Variants in DSCAML1 observed in about 807,000 individuals in gnomAD.
DSCAML1 encodes DS cell adhesion molecule like 1, also known as cell adhesion molecule DSCAML1.
Under a neutral mutation model 200.5 loss-of-function variants are expected in DSCAML1, and 38 were observed. That is an observed-to-expected ratio of 0.19 (90% CI 0.15 to 0.25). DSCAML1 has a LOEUF of 0.25. Ranked by LOEUF, DSCAML1 falls within the 10% of genes least tolerant of loss-of-function variation. DSCAML1 has a pLI of 1.00. For synonymous variants in DSCAML1, 1,215 were observed against 1,165.0 expected, an observed-to-expected ratio of 1.04 and a Z score of -0.87; for missense variants, 2,223 against 2,858.8, an observed-to-expected ratio of 0.78 and a Z score of 5.07.
rs978862033 is a variant in DSCAML1, at chr11:117,780,785, G to A, written c.72C>T (p.Ser24=). Residue 24 remains serine, a synonymous_variant, in exon 2 of 33, where the codon AGC becomes AGT. Transcript: ENST00000651296. This position sits in a 1 kb window ranked among gnomAD's most constrained non-coding sequence, Gnocchi z 4.8. ...HKARPEDVGT[S]LYFVNDSLQQ... is the part of the protein sequence containing the mutation. Reference sequence around the variant, plus strand: ...GCAAGGAGTCATTTACAAAGTAGAGGCTGGTGCCAACATCTTCAGGGCGGG... The same window carrying A: ...GCAAGGAGTCATTTACAAAGTAGAGACTGGTGCCAACATCTTCAGGGCGGG... 4.1e-6 allele frequency: 6 copies of A among 1,479,816 alleles called. No individual in the cohort carries two copies. In the African/African-American group the frequency reaches 8.5e-5, roughly 21 times the overall value. 91.7% of individuals were successfully genotyped at this position (1,479,816 alleles called of 1,614,324 possible). A position where few individuals can be genotyped will look rare whatever the true frequency, so the allele number is the denominator to read the frequency against.
rs759108638 is a variant in DSCAML1 at position 117,505,613 on chromosome 11, G to T, written c.1903C>A (p.Gln635Lys). 6.2e-6 allele frequency: 10 copies of T among 1,614,042 alleles called. No homozygotes were observed. The South Asian group carries it at 1.1e-4, about 18-fold the overall frequency. Residue 635 changes from glutamine (Q) to lysine (K), a missense_variant, in exon 9 of 33, where the codon CAG (glutamine) becomes AAG (lysine). Gln to Lys is a moderately conservative substitution (Grantham distance 53). Around this residue, in one of 7 missense-constraint regions of DSCAML1, gnomAD observed 212 missense variants for 368.0 expected, o/e 0.58. Transcript: ENST00000651296. The surrounding 1 kb of genome is among the most constrained non-coding windows in gnomAD (Gnocchi z 6.7). ...PIRITWRKDGQVIISGSGVTI... is the reference protein window; with the variant it reads ...PIRITWRKDGKVIISGSGVTI... ...ACGCCCGAGCCTGAGATGATCACCT[G>T]TCCGTCCTTCCTCCAGGTGATACGG...
intron 8 of DSCAML1, among the ~76,000 whole-genome samples, chr11:117,510,063 G>T (rs550517981): frequency 5.9e-5 from 9 of 152,364 alleles, no homozygotes; most frequent in African/African-American, 1.2e-4. Flanking sequence ...AGTGGTCGAG[G>T]CAGGCCATTC....
intron 3 of DSCAML1, among the ~76,000 whole-genome samples, chr11:117,686,418 TG>T (rs1751518782): frequency 6.6e-6 from 1 of 152,358 alleles, no homozygotes; most frequent in African/African-American, 2.4e-5. Flanking sequence ...AAGCAGGCAC[TG>T]GGCCTGATCC....
At chr11:117,514,130 C>A (rs2049706432) in intron 8 of DSCAML1, among the ~76,000 whole-genome samples, 1 of 152,230 alleles carries the variant, frequency 6.6e-6, no homozygotes, top group South Asian at 2.1e-4. Context: ...GTCCCCAGGG[C>A]CTTCCCCCCA....
chr11:117,714,814 C>A (rs2053919048), intron 3 of DSCAML1, among the ~76,000 whole-genome samples: 1 of 101,710 alleles, frequency 9.8e-6, no homozygotes, highest in Admixed American at 1.4e-4. Context: ...AAGAGTGAAA[C>A]TTCATCTTGA....
At chr11:117,520,608 C>A (rs76779950) in intron 6 of DSCAML1, among the ~76,000 whole-genome samples, 2,554 of 151,044 alleles carry the variant, frequency 0.017, 67 homozygotes, top group African/African-American at 0.056. Flanking sequence ...TCCTCAACAG[C>A]AAAATGGGTA....
intron 3 of DSCAML1, among the ~76,000 whole-genome samples, chr11:117,569,333 C>T (rs2050808656): frequency 1.3e-5 from 2 of 152,220 alleles, no homozygotes; most frequent in African/African-American, 4.8e-5. Flanking sequence ...GTCTAAAACA[C>T]CGAAAGCAAT....
At chr11:117,435,210 A>G (rs1592567765) in intron 27 of DSCAML1, among the ~76,000 whole-genome samples, 1 of 152,352 alleles carries the variant, frequency 6.6e-6, no homozygotes, top group Non-Finnish European at 1.5e-5. Flanking sequence ...ATGGTGCAGA[A>G]ACTGCCCAGT....
chr11:117,724,796 C>T (rs11216517), intron 3 of DSCAML1, among the ~76,000 whole-genome samples: 22,559 of 152,234 alleles, frequency 0.15, 2,145 homozygotes, highest in East Asian at 0.29. Context: ...CCACACCCCC[C>T]TGACACTCTC....
intron 3 of DSCAML1, among the ~76,000 whole-genome samples, chr11:117,545,839 T>C (rs1053958009): frequency 5.9e-5 from 9 of 152,182 alleles, no homozygotes; most frequent in African/African-American, 2.2e-4. Context: ...TCATCCCCCG[T>C]GGAGGAAACC....
At chr11:117,568,974 A>T (rs1203117684) in intron 3 of DSCAML1, among the ~76,000 whole-genome samples, 1 of 152,232 alleles carries the variant, frequency 6.6e-6, no homozygotes, top group East Asian at 1.9e-4. Context: ...AAACTATACT[A>T]CAAGGCTACA....
chr11:117,594,806 G>A (rs888132358), intron 3 of DSCAML1, among the ~76,000 whole-genome samples: 1 of 152,134 alleles, frequency 6.6e-6, no homozygotes, highest in Non-Finnish European at 1.5e-5. Context: ...AGGCCAGGGA[G>A]GGATGAAAGA....
At chr11:117,453,352 G>A (rs4936380) in intron 19 of DSCAML1, among the ~76,000 whole-genome samples, 9,611 of 152,170 alleles carry the variant, frequency 0.063, 437 homozygotes, top group Admixed American at 0.15. Context: ...GCCTTTACTC[G>A]TTGCATCATT....
upstream of DSCAML1, among the ~76,000 whole-genome samples, chr11:117,798,031 C>T (rs2055615639): frequency 6.6e-6 from 1 of 152,234 alleles, no homozygotes; most frequent in Admixed American, 6.5e-5. Flanking sequence ...GGCTCAGGCA[C>T]TGGGGACTCA....
intron 1 of DSCAML1, among the ~76,000 whole-genome samples, chr11:117,811,562 T>C (rs1466056274): frequency 6.6e-6 from 1 of 152,204 alleles, no homozygotes; most frequent in East Asian, 1.9e-4. Context: ...CTACAAGTGC[T>C]AGAAATCTGG....
At chr11:117,809,064 T>C (rs955671365) in intron 1 of DSCAML1, among the ~76,000 whole-genome samples, 1 of 152,236 alleles carries the variant, frequency 6.6e-6, no homozygotes, top group African/African-American at 2.4e-5. Flanking sequence ...CCCTGCTTCA[T>C]ATCATTTCCA....
In DSCAML1 at chr11:117,521,145, T is replaced by C. The variant is rs1231760881; in HGVS notation, c.1198A>G (p.Ile400Val). Residue 400 changes from isoleucine (I) to valine (V), a missense_variant, in exon 6 of 33, where the codon ATC becomes GTC. This residue lies in a region of DSCAML1 where 579 missense variants were observed against 721.5 expected (regional missense o/e 0.80). Transcript: ENST00000651296. ...CCCAGCTCACCCTCAAGTGCAATGA[T>C]GGCAAAGTCCTGGGCGGTCTGGGCC... ...RKAQTAQDFA[I>V]IALEDGTPRI... 6.2e-7 allele frequency: 1 copy of C among 1,612,626 alleles called. No individual in the cohort carries two copies. Among genetic ancestry groups the C allele is most frequent in the East Asian group, 2.2e-5 (1 of 44,834 alleles).
intron 3 of DSCAML1, among the ~76,000 whole-genome samples, chr11:117,704,964 A>C (rs1395610941): frequency 6.6e-6 from 1 of 152,228 alleles, no homozygotes; most frequent in East Asian, 1.9e-4. Flanking sequence ...CAGTGAGCTA[A>C]GTGGAGTGCT....
intron 3 of DSCAML1, among the ~76,000 whole-genome samples, chr11:117,686,642 C>T (rs930166383): frequency 3.9e-5 from 6 of 152,220 alleles, no homozygotes; most frequent in African/African-American, 1.4e-4. Context: ...ACGGCACCTT[C>T]AAGAGTCCTT....
Sources: gnomAD v4.1 joint callset for allele counts (sites outside exome capture counted in the v4.1 genomes callset) on GRCh38, gnomAD v4.1.1 for gene constraint, gnomAD v4.1.1 regional missense constraint, Gnocchi (gnomAD v3.1) non-coding constraint, MANE v1.5 for transcripts, NCBI Gene and HGNC (gene_info 2026-07-23, HGNC 2026-07-21) for gene names.